Variants in CIMIP7 observed in about 807,000 individuals in gnomAD.
The protein encoded by CIMIP7 is ciliary microtubule inner protein 7.
the CIMIP7 span, among the ~76,000 whole-genome samples, chr3:49,190,517 A>G: frequency 1.3e-5 from 2 of 149,158 alleles, no homozygotes. Context: ...TTTTTTTGAG[A>G]CAGAGTCTTG....
chr3:49,188,927 T>G, the CIMIP7 span, among the ~76,000 whole-genome samples: 1 of 151,944 alleles, frequency 6.6e-6, no homozygotes, highest in Admixed American at 6.6e-5. Flanking sequence ...GCCTCCTGAG[T>G]AGCTGGGATT....
the CIMIP7 span, chr3:49,178,509 C>T: frequency 1.9e-6 from 3 of 1,613,704 alleles, no homozygotes; most frequent in Admixed American, 3.3e-5. Flanking sequence ...GGTTGTCGTG[C>T]TTGGAGAAGA....
chr3:49,179,481 CAT>C, the CIMIP7 span, among the ~76,000 whole-genome samples: 1 of 152,186 alleles, frequency 6.6e-6, no homozygotes, highest in East Asian at 1.9e-4. Flanking sequence ...GTGAGACCCA[CAT>C]GATATTGGTC....
chr3:49,186,777 A>G, the CIMIP7 span, among the ~76,000 whole-genome samples: 110,989 of 152,152 alleles, frequency 0.73, 41,051 homozygotes, highest in East Asian at 0.99. Context: ...AGTAAAACTA[A>G]GGAAATTTGA....
chr3:49,182,140 G>C, the CIMIP7 span, among the ~76,000 whole-genome samples: 1 of 152,208 alleles, frequency 6.6e-6, no homozygotes, highest in Non-Finnish European at 1.5e-5. Context: ...CAAAGAGTGA[G>C]CAGCAGCAAG....
chr3:49,183,324 C>T, the CIMIP7 span, among the ~76,000 whole-genome samples: 2 of 152,352 alleles, frequency 1.3e-5, no homozygotes, highest in Non-Finnish European at 2.9e-5. Context: ...ATCATTCATG[C>T]ATTGCTGGTA....
At chr3:49,179,952 A>G in the CIMIP7 span, among the ~76,000 whole-genome samples, 2 of 152,234 alleles carry the variant, frequency 1.3e-5, no homozygotes, top group African/African-American at 4.8e-5. Context: ...AGCCTGGCCA[A>G]CATAGTGAAA....
chr3:49,189,805 C>A, the CIMIP7 span: 2 of 699,064 alleles, frequency 2.9e-6, no homozygotes, highest in Non-Finnish European at 5.4e-6. Flanking sequence ...TACCCTTTGT[C>A]CATCTAGAAG....
the CIMIP7 span, chr3:49,178,687 A>G: frequency 3.1e-6 from 2 of 654,940 alleles, no homozygotes; most frequent in Non-Finnish European, 5.5e-6. Flanking sequence ...GACAGAGGGC[A>G]GAGACTAATT....
chr3:49,185,478 T>C, the CIMIP7 span, among the ~76,000 whole-genome samples: 3 of 139,602 alleles, frequency 2.1e-5, no homozygotes, highest in Non-Finnish European at 4.7e-5. Flanking sequence ...AGGTGGGAGA[T>C]TTGCTTGAAC....
chr3:49,182,320 G>A, the CIMIP7 span, among the ~76,000 whole-genome samples: 5 of 152,138 alleles, frequency 3.3e-5, no homozygotes, highest in East Asian at 7.7e-4. Flanking sequence ...TGATTGGTGC[G>A]TTTACAATCC....
chr3:49,188,384 C>G, the CIMIP7 span, among the ~76,000 whole-genome samples: 1 of 152,166 alleles, frequency 6.6e-6, no homozygotes, highest in East Asian at 1.9e-4. Flanking sequence ...CTGGGCCTTT[C>G]TTCTACCCAG....
chr3:49,178,405 A>G, the CIMIP7 span: 2 of 1,362,772 alleles, frequency 1.5e-6, no homozygotes, highest in Non-Finnish European at 2.1e-6. Flanking sequence ...CATCCCCTCC[A>G]CCCTACCATC....
At chr3:49,187,442 T>C in the CIMIP7 span, among the ~76,000 whole-genome samples, 1 of 152,064 alleles carries the variant, frequency 6.6e-6, no homozygotes, top group African/African-American at 2.4e-5. Context: ...AGGAAGCTCC[T>C]TGGCAAACTG....
At chr3:49,191,535 C>T in the CIMIP7 span, 54 of 686,740 alleles carry the variant, frequency 7.9e-5, no homozygotes, top group Non-Finnish European at 1.3e-4. Context: ...TTTCAGGAGA[C>T]CATGATGCAT....
chr3:49,190,948 T>A, the CIMIP7 span, among the ~76,000 whole-genome samples: 88 of 152,214 alleles, frequency 5.8e-4, no homozygotes, highest in African/African-American at 1.8e-3. Flanking sequence ...ATTACAGGCG[T>A]GAGCCACTGC....
chr3:49,183,460 T>C, the CIMIP7 span, among the ~76,000 whole-genome samples: 1 of 152,192 alleles, frequency 6.6e-6, no homozygotes, highest in African/African-American at 2.4e-5. Flanking sequence ...GGTGGGTGGA[T>C]AACCTGAGGT....
chr3:49,178,881 C>T, the CIMIP7 span, among the ~76,000 whole-genome samples: 1 of 152,150 alleles, frequency 6.6e-6, no homozygotes, highest in Admixed American at 6.5e-5. Context: ...CTCTAGTCCT[C>T]TCCTCCCCTG....
the CIMIP7 span, among the ~76,000 whole-genome samples, chr3:49,190,297 G>T: frequency 1.3e-5 from 2 of 152,110 alleles, no homozygotes; most frequent in Non-Finnish European, 2.9e-5. Flanking sequence ...GGACACTCCT[G>T]GAGATGGGCC....
Sources: gnomAD v4.1 joint callset for allele counts (sites outside exome capture counted in the v4.1 genomes callset) on GRCh38, gnomAD v4.1.1 for gene constraint, MANE v1.5 for transcripts, NCBI Gene and HGNC (gene_info 2026-07-23, HGNC 2026-07-21) for gene names.